The following CCNYL1 variants were observed in gnomAD, a reference collection of about 807,000 sequenced individuals.
CCNYL1 encodes cyclin Y like 1, also known as cyclin-Y-like protein 1.
In CCNYL1, 16 loss-of-function variants were observed where a neutral mutation model predicts 44.2. That is an observed-to-expected ratio of 0.36 (90% CI 0.25 to 0.55). CCNYL1 has a LOEUF of 0.55. CCNYL1 is among the 20% of genes least tolerant of loss of function. The pLI, the probability that CCNYL1 is intolerant of heterozygous loss-of-function variation, is 0.85. For missense variants in CCNYL1, 348 were observed against 451.8 expected (o/e 0.77, Z 2.08); for synonymous variants, 159 against 163.2 (o/e 0.97, Z 0.20).
rs1401312976 is a variant in CCNYL1 at position 207,721,868 on chromosome 2, C to CCTGG, written c.221-2925_221-2922dup. ...TCCTGCCTCAGCCTCGGTGGCAGCTCCTGGCTGGCTAGCAGTGCTAGAGTA... is the reference window on the plus strand; with the variant it reads ...TCCTGCCTCAGCCTCGGTGGCAGCTCCTGGCTGGCTGGCTAGCAGTGCTAGAGTA... On this transcript the variant is annotated intron_variant, in intron 1 of 9. Coordinates refer to ENST00000295414, the MANE Select transcript of CCNYL1 (RefSeq NM_001330218.2). Among the ~76,000 whole-genome samples, 3 of 151,314 alleles carry CCTGG rather than the reference C, an allele frequency of 2.0e-5. No individual in the cohort carries two copies. In the East Asian group the frequency reaches 5.9e-4, roughly 30 times the overall value.
chr2:207,724,307 TTGAA>T (rs2091663599), intron 1 of CCNYL1, among the ~76,000 whole-genome samples: 1 of 152,212 alleles, frequency 6.6e-6, no homozygotes, highest in African/African-American at 2.4e-5. Context: ...AGTTTACTTG[TTGAA>T]TGGAGTTAGA....
chr2:207,742,634 G>A (rs1181175844), intron 7 of CCNYL1, among the ~76,000 whole-genome samples: 1 of 152,116 alleles, frequency 6.6e-6, no homozygotes, highest in Non-Finnish European at 1.5e-5. Context: ...CACATACAAG[G>A]CATGGTGGCA....
chr2:207,714,187 T>A (rs1459969764), intron 1 of CCNYL1, among the ~76,000 whole-genome samples: 2 of 152,132 alleles, frequency 1.3e-5, no homozygotes, highest in Non-Finnish European at 2.9e-5. Flanking sequence ...TAAAAAACTT[T>A]TAAAAATCCA....
At chr2:207,729,395 G>A (rs13407020) in intron 3 of CCNYL1, among the ~76,000 whole-genome samples, 2,228 of 151,432 alleles carry the variant, frequency 0.015, 50 homozygotes, top group African/African-American at 0.052. Context: ...GGTATTTTAA[G>A]AATTTTTTTA....
chr2:207,736,355 G>A (rs2091764553), intron 4 of CCNYL1, among the ~76,000 whole-genome samples: 1 of 152,178 alleles, frequency 6.6e-6, no homozygotes, highest in Non-Finnish European at 1.5e-5. Context: ...GCAAATGGAA[G>A]CATATAACTT....
chr2:207,718,339 C>G (rs949458630), intron 1 of CCNYL1, among the ~76,000 whole-genome samples: 1 of 152,050 alleles, frequency 6.6e-6, no homozygotes, highest in Non-Finnish European at 1.5e-5. Context: ...TGCTGAGACC[C>G]TGCCTCTACA....
At chr2:207,731,967 G>T (rs1338108414) in intron 3 of CCNYL1, among the ~76,000 whole-genome samples, 1 of 151,936 alleles carries the variant, frequency 6.6e-6, no homozygotes, top group South Asian at 2.1e-4. Flanking sequence ...CCACCACCAC[G>T]CTTGGCTAAT....
In CCNYL1 at chr2:207,753,828, C is replaced by T. The variant is rs1332732065; in HGVS notation, c.*130C>T. 9.9e-6 allele frequency: 6 copies of T among 608,198 alleles called. No homozygotes were observed. The highest frequency in any genetic ancestry group is 1.8e-5 in the Non-Finnish European group (6 of 342,580). The allele number at this position is 608,198 out of a possible 1,614,324, so 37.7% of individuals were successfully genotyped here. A position where few individuals can be genotyped will look rare whatever the true frequency, so the allele number is the denominator to read the frequency against. On this transcript the variant is annotated 3_prime_UTR_variant, in exon 10 of 10. Transcript: ENST00000295414. The stretch of plus-strand genomic sequence containing the variant: ...AAGGAAAGATCTCAAATTCAAGAGA[C>T]TCATGGACAACAAGGATTATACTCC...
At chr2:207,737,526 T>C (rs2091774925) in intron 5 of CCNYL1, 80 bp downstream of exon 5, 2 of 1,143,722 alleles carry the variant, frequency 1.7e-6, no homozygotes, top group South Asian at 1.3e-5. Context: ...GTCATAACTA[T>C]AGACATCATA....
At chr2:207,737,705 C>A (rs1177270268) in intron 5 of CCNYL1, among the ~76,000 whole-genome samples, 6 of 150,448 alleles carry the variant, frequency 4.0e-5, no homozygotes, top group East Asian at 1.9e-4. Context: ...AAAAAAAAAA[C>A]CCTATATTTA....
intron 1 of CCNYL1, among the ~76,000 whole-genome samples, chr2:207,721,074 C>T (rs893223045): frequency 1.3e-5 from 2 of 152,006 alleles, no homozygotes; most frequent in Non-Finnish European, 2.9e-5. Context: ...AAAATCTCAG[C>T]GTTTACATCA....
intron 5 of CCNYL1, among the ~76,000 whole-genome samples, chr2:207,739,445 G>T (rs1193163635): frequency 2.0e-5 from 3 of 152,092 alleles, no homozygotes; most frequent in Non-Finnish European, 4.4e-5. Flanking sequence ...GGCCAGGCTG[G>T]TCTCGAACTC....
At chr2:207,737,544 G>C in intron 5 of CCNYL1, 98 bp downstream of exon 5, 6 of 974,188 alleles carry the variant, frequency 6.2e-6, no homozygotes, top group African/African-American at 1.6e-5. Flanking sequence ...ATAAGCTATA[G>C]ATTGCTATTA....
rs1559175754 is a variant in CCNYL1, at chr2:207,755,377, CAAAG to C, written c.*1683_*1686del. ...CCTGGGCGACATCCAGACCCTGTCT[CAAAG>C]AAAAAAGCAGAAGAAAAATGTTCAG... is the stretch of plus-strand genomic sequence containing the variant. On this transcript the variant is annotated 3_prime_UTR_variant, in exon 10 of 10. Coordinates refer to ENST00000295414, the MANE Select transcript of CCNYL1 (RefSeq NM_001330218.2). 1 of 151,936 alleles carries C rather than the reference CAAAG, an allele frequency of 6.6e-6. No individual in the cohort carries two copies. Among genetic ancestry groups the C allele is most frequent in the African/African-American group, 2.4e-5 (1 of 41,348 alleles). 9.4% of individuals were successfully genotyped at this position (151,936 alleles called of 1,614,324 possible). A position where few individuals can be genotyped will look rare whatever the true frequency, so the allele number is the denominator to read the frequency against.
chr2:207,724,726 G>C (rs2091666750), intron 1 of CCNYL1, 74 bp from the exon 2 acceptor site: 1 of 1,020,452 alleles, frequency 9.8e-7, no homozygotes, highest in African/African-American at 1.6e-5. Context: ...TGATTAAAAT[G>C]GATGTGTATC....
intron 7 of CCNYL1, among the ~76,000 whole-genome samples, chr2:207,746,647 TC>T (rs2091856849): frequency 6.6e-6 from 1 of 152,174 alleles, no homozygotes; most frequent in Admixed American, 6.5e-5. Context: ...TATTTTCTGG[TC>T]AAAAACAAAA....
At chr2:207,746,030 A>C (rs1421269757) in intron 7 of CCNYL1, among the ~76,000 whole-genome samples, 1 of 152,204 alleles carries the variant, frequency 6.6e-6, no homozygotes, top group African/African-American at 2.4e-5. Flanking sequence ...ATCTTTACTC[A>C]GCTGTTCACT....
intron 1 of CCNYL1, among the ~76,000 whole-genome samples, chr2:207,716,103 A>G (rs1048532495): frequency 4.6e-5 from 7 of 152,242 alleles, no homozygotes; most frequent in Non-Finnish European, 1.5e-5. Context: ...GTAACACAAA[A>G]TAAGATACTA....
intron 1 of CCNYL1, among the ~76,000 whole-genome samples, chr2:207,715,783 TCTC>T (rs1375390200): frequency 6.6e-6 from 1 of 151,500 alleles, no homozygotes; most frequent in Non-Finnish European, 1.5e-5. Flanking sequence ...TTCAAGCAGT[TCTC>T]CTGCTTCAGC....
Sources: allele counts gnomAD v4.1 joint callset (sites outside exome capture counted in the v4.1 genomes callset), GRCh38; gene constraint gnomAD v4.1.1; transcripts MANE v1.5; gene names NCBI Gene and HGNC (gene_info 2026-07-23, HGNC 2026-07-21).